Variants in MSRA observed in about 807,000 individuals in gnomAD.
MSRA encodes the protein methionine sulfoxide reductase A.
MSRA carries 54 observed loss-of-function variants against 31.3 expected under a neutral mutation model. The ratio of observed to expected loss-of-function variants is 1.73; its 90% CI spans 1.39 to 2.17. MSRA has a LOEUF of 2.17. MSRA is among the 30% of genes most tolerant of loss of function. The pLI is 0.00. For synonymous variants in MSRA, 169 were observed against 116.5 expected (o/e 1.45, Z -2.90); for missense variants, 507 against 300.9 (o/e 1.69, Z -5.07).
chr8:10,207,466 A>C (rs1308097636), intron 1 of MSRA, among the ~76,000 whole-genome samples: 1 of 152,152 alleles, frequency 6.6e-6, no homozygotes, highest in East Asian at 1.9e-4. Context: ...AGGGGGACTC[A>C]CCCCCAGTTC....
intron 1 of MSRA, among the ~76,000 whole-genome samples, chr8:10,164,628 T>C (rs1336499519): frequency 6.6e-6 from 1 of 152,216 alleles, no homozygotes; most frequent in Non-Finnish European, 1.5e-5. Context: ...ATGCTTATTG[T>C]TAATAATATA....
intron 1 of MSRA, among the ~76,000 whole-genome samples, chr8:10,111,813 G>A (rs1394651896): frequency 6.6e-6 from 1 of 152,132 alleles, no homozygotes; most frequent in African/African-American, 2.4e-5. Context: ...CTGTGAGATG[G>A]TCACACACGC....
intron 5 of MSRA, among the ~76,000 whole-genome samples, chr8:10,389,707 C>T (rs1277321356): frequency 6.7e-6 from 1 of 150,366 alleles, no homozygotes; most frequent in African/African-American, 2.4e-5. Context: ...CCTTCCTCCA[C>T]ACCCTGGTGC....
intron 1 of MSRA, among the ~76,000 whole-genome samples, chr8:10,202,665 T>G (rs1228939178): frequency 6.6e-6 from 1 of 152,182 alleles, no homozygotes; most frequent in Non-Finnish European, 1.5e-5. Flanking sequence ...GGGAGGTGAC[T>G]AATGTTTATT....
rs1010131375 is a variant in MSRA at position 10,402,116 on chromosome 8, G to A, written c.544-26032G>A. ...AAGGCAGGCAGACCCTGAGCATTGG[G>A]TTCCCTTAGCTCTCCTAGTGCATTT... On this transcript the variant is annotated intron_variant, in intron 5 of 5. Coordinates refer to ENST00000317173, the MANE Select transcript of MSRA (RefSeq NM_012331.5). 4.6e-5 allele frequency among the ~76,000 whole-genome samples: 7 copies of A among 152,306 alleles called. No individual in the cohort carries two copies. The East Asian group carries it at 7.7e-4, about 17-fold the overall frequency.
At chr8:10,086,633 T>G (rs1798570255) in intron 1 of MSRA, among the ~76,000 whole-genome samples, 1 of 152,192 alleles carries the variant, frequency 6.6e-6, no homozygotes, top group Non-Finnish European at 1.5e-5. Context: ...GAGTGCAAAG[T>G]GTTTCTTATT....
At position 10,332,348 on chromosome 8, in the gene MSRA, T is replaced by A. The variant is rs193294142; in HGVS notation, c.543+12359T>A. On this transcript the variant is annotated intron_variant, in intron 5 of 5. Coordinates refer to ENST00000317173, the MANE Select transcript of MSRA (RefSeq NM_012331.5). Reference sequence around the variant, plus strand: ...TACATAGCTCTTCGTCTTTAAAAAATTTTTTTTATCTGTGCTTTTGTTTAA... The same window carrying A: ...TACATAGCTCTTCGTCTTTAAAAAAATTTTTTTATCTGTGCTTTTGTTTAA... 1.3e-3 allele frequency among the ~76,000 whole-genome samples: 195 copies of A among 152,234 alleles called. 1 individual carries two copies. Among genetic ancestry groups the A allele is most frequent in the South Asian group, 4.8e-3 (23 of 4,826 alleles).
chr8:10,172,246 G>T (rs1023151260), intron 1 of MSRA, among the ~76,000 whole-genome samples: 1 of 152,168 alleles, frequency 6.6e-6, no homozygotes, highest in Non-Finnish European at 1.5e-5. Flanking sequence ...TATGATACTG[G>T]GCTGCTACAG....
At chr8:10,321,077 G>C (rs1802019891) in intron 5 of MSRA, among the ~76,000 whole-genome samples, 1 of 152,038 alleles carries the variant, frequency 6.6e-6, no homozygotes, top group Non-Finnish European at 1.5e-5. Context: ...GTAGTTCTCG[G>C]AAATATATAC....
At chr8:10,415,723 C>T (rs1808418826) in intron 5 of MSRA, among the ~76,000 whole-genome samples, 1 of 151,932 alleles carries the variant, frequency 6.6e-6, no homozygotes, top group Admixed American at 6.6e-5. Context: ...TCCTCCGGAC[C>T]TGTCAGCACC....
chr8:10,118,314 C>T (rs982048709), intron 1 of MSRA, among the ~76,000 whole-genome samples: 2 of 152,084 alleles, frequency 1.3e-5, no homozygotes, highest in Non-Finnish European at 2.9e-5. Flanking sequence ...GTGTTAGCTG[C>T]GTGCAGTGAA....
At chr8:10,359,434 C>T (rs1294685869) in intron 5 of MSRA, among the ~76,000 whole-genome samples, 2 of 152,062 alleles carry the variant, frequency 1.3e-5, no homozygotes, top group Admixed American at 1.3e-4. Flanking sequence ...TCTTATATCA[C>T]TTTTTAAAGG....
intron 3 of MSRA, among the ~76,000 whole-genome samples, chr8:10,254,388 TC>T (rs762652142): frequency 1.2e-4 from 18 of 152,234 alleles, no homozygotes; most frequent in Non-Finnish European, 2.2e-4. Flanking sequence ...AGTTGTTTTT[TC>T]CACTCTGGTT....
intron 4 of MSRA, among the ~76,000 whole-genome samples, chr8:10,315,567 A>G (rs995310920): frequency 6.6e-6 from 1 of 152,242 alleles, no homozygotes; most frequent in African/African-American, 2.4e-5. Context: ...TGGAAACTAC[A>G]AAGGTATAAT....
At chr8:10,422,996 C>T (rs1325687512) in intron 5 of MSRA, among the ~76,000 whole-genome samples, 1 of 152,232 alleles carries the variant, frequency 6.6e-6, no homozygotes, top group East Asian at 1.9e-4. Context: ...CTGCCTCCCT[C>T]TGTCCAGCAC....
intron 1 of MSRA, among the ~76,000 whole-genome samples, chr8:10,124,718 G>C (rs1026176445): frequency 6.6e-6 from 1 of 152,250 alleles, no homozygotes; most frequent in Non-Finnish European, 1.5e-5. Context: ...AATTTTGCAA[G>C]AAATCTATTA....
chr8:10,342,662 G>A (rs1432776611), intron 5 of MSRA, among the ~76,000 whole-genome samples: 6 of 152,188 alleles, frequency 3.9e-5, no homozygotes, highest in South Asian at 2.1e-4. Context: ...GAAGGCCTCC[G>A]AGTCCAGCGC....
chr8:10,297,081 T>G (rs1290467937), intron 3 of MSRA, among the ~76,000 whole-genome samples: 4 of 152,290 alleles, frequency 2.6e-5, no homozygotes, highest in African/African-American at 9.6e-5. Context: ...TTGACTTATC[T>G]CGGGGTTCTC....
At chr8:10,239,485 A>G (rs867932408) in intron 2 of MSRA, among the ~76,000 whole-genome samples, 7 of 152,220 alleles carry the variant, frequency 4.6e-5, no homozygotes, top group South Asian at 2.1e-4. Context: ...AGCCCATCCA[A>G]TTGGCAAATA....
Sources: gnomAD v4.1 joint callset for allele counts (sites outside exome capture counted in the v4.1 genomes callset) on GRCh38, gnomAD v4.1.1 for gene constraint, MANE v1.5 for transcripts, NCBI Gene and HGNC (gene_info 2026-07-23, HGNC 2026-07-21) for gene names.